NRXN3: variants seen among roughly 807,000 people sequenced by gnomAD.
NRXN3 encodes the protein neurexin 3.
Under a neutral mutation model 137.6 loss-of-function variants are expected in NRXN3, and 32 were observed. The ratio of observed to expected loss-of-function variants is 0.23; its 90% CI spans 0.18 to 0.31. NRXN3 has a LOEUF of 0.31. NRXN3 is among the 10% of genes least tolerant of loss of function. The pLI, the probability that NRXN3 is intolerant of heterozygous loss-of-function variation, is 1.00. For missense variants in NRXN3, 1,574 were observed against 2,062.5 expected (o/e 0.76, Z 4.59); for synonymous variants, 798 against 784.5 (o/e 1.02, Z -0.29).
chr14:79,455,023 A>G (rs1436632819), intron 15 of NRXN3, among the ~76,000 whole-genome samples: 2 of 152,194 alleles, frequency 1.3e-5, no homozygotes, highest in Admixed American at 6.5e-5. Flanking sequence ...AGGTATTGGT[A>G]TTAAGATTAT....
intron 16 of NRXN3, among the ~76,000 whole-genome samples, chr14:79,604,657 C>T (rs1409866774): frequency 1.3e-5 from 2 of 152,100 alleles, no homozygotes; most frequent in Non-Finnish European, 2.9e-5. Flanking sequence ...TGACCAAATG[C>T]CATTTTGTAT....
intron 16 of NRXN3, among the ~76,000 whole-genome samples, chr14:79,575,688 C>A (rs1312111752): frequency 6.6e-6 from 1 of 151,976 alleles, no homozygotes; most frequent in Non-Finnish European, 1.5e-5. Flanking sequence ...GCTTTTAATC[C>A]CAATTTCCAT....
chr14:79,698,659 A>C (rs770631404), intron 19 of NRXN3, among the ~76,000 whole-genome samples: 1 of 151,990 alleles, frequency 6.6e-6, no homozygotes, highest in African/African-American at 2.4e-5. Flanking sequence ...CATTTCATAA[A>C]TCTAGTTAGT....
chr14:78,359,699 A>G (rs2084838090), intron 4 of NRXN3, among the ~76,000 whole-genome samples: 1 of 152,162 alleles, frequency 6.6e-6, no homozygotes, highest in African/African-American at 2.4e-5. Context: ...TTACTTTTCA[A>G]GAGACTTTGA....
At chr14:78,608,555 C>G (rs910398023) in intron 4 of NRXN3, among the ~76,000 whole-genome samples, 4 of 152,166 alleles carry the variant, frequency 2.6e-5, no homozygotes, top group Non-Finnish European at 2.9e-5. Context: ...GTAGTACCAA[C>G]AAGGAAAACC....
intron 16 of NRXN3, among the ~76,000 whole-genome samples, chr14:79,510,174 A>G (rs2096919010): frequency 6.6e-6 from 1 of 152,332 alleles, no homozygotes. Context: ...AAGAGAATCA[A>G]AGTTAAGTGA....
chr14:78,279,134 A>G (rs1009562375), intron 3 of NRXN3, among the ~76,000 whole-genome samples: 6 of 152,260 alleles, frequency 3.9e-5, no homozygotes, highest in Non-Finnish European at 1.5e-5. Context: ...CTTTTTCACA[A>G]TGAAACCAGC....
chr14:79,500,236 C>CAAAAAAA (rs34976297), intron 16 of NRXN3, among the ~76,000 whole-genome samples: 5 of 88,418 alleles, frequency 5.7e-5, no homozygotes, highest in Non-Finnish European at 6.4e-5. Flanking sequence ...AAAAAGAAGG[C>CAAAAAAA]AAAAAAAAAA....
intron 15 of NRXN3, among the ~76,000 whole-genome samples, chr14:79,442,172 A>C (rs544287411): frequency 6.6e-6 from 1 of 152,326 alleles, no homozygotes; most frequent in South Asian, 2.1e-4. Flanking sequence ...AATGCTAATA[A>C]AAATATGTAA....
intron 6 of NRXN3, among the ~76,000 whole-genome samples, chr14:78,703,172 T>C (rs1296214943): frequency 6.6e-6 from 1 of 152,238 alleles, no homozygotes; most frequent in African/African-American, 2.4e-5. Flanking sequence ...GTAATTCATA[T>C]TTCTTGCTCA....
At chr14:78,831,301 A>G (rs998187289) in intron 10 of NRXN3, among the ~76,000 whole-genome samples, 2 of 152,008 alleles carry the variant, frequency 1.3e-5, no homozygotes, top group African/African-American at 2.4e-5. Context: ...TAACCCCAGC[A>G]CTTTGGGAGG....
At chr14:78,898,512 A>G (rs978984913) in intron 10 of NRXN3, among the ~76,000 whole-genome samples, 2 of 151,544 alleles carry the variant, frequency 1.3e-5, no homozygotes, top group African/African-American at 4.8e-5. Context: ...GCAGAGATGC[A>G]TAAGTTTCTT....
At chr14:79,093,220 G>A (rs1023505660) in intron 15 of NRXN3, among the ~76,000 whole-genome samples, 6 of 152,160 alleles carry the variant, frequency 3.9e-5, no homozygotes, top group Non-Finnish European at 7.4e-5. Context: ...TTGACAGGGT[G>A]AGGGAAAGCT....
At chr14:78,980,642 C>G (rs1386951161) in intron 14 of NRXN3, among the ~76,000 whole-genome samples, 4 of 152,126 alleles carry the variant, frequency 2.6e-5, no homozygotes, top group Non-Finnish European at 5.9e-5. Flanking sequence ...ATGAGAAGAA[C>G]AATCCCACCA....
chr14:78,795,093 CAAAAA>C lies in NRXN3; in HGVS notation c.2045-8524_2045-8520del, dbSNP rs1476931213. Among the ~76,000 whole-genome samples, 7 of 151,584 alleles carry C rather than the reference CAAAAA, an allele frequency of 4.6e-5. No homozygotes were observed. The South Asian group carries it at 1.5e-3, about 32-fold the overall frequency. ...TGTGTAACAGAGCAAGACTCTGTCT[CAAAAA>C]AAGAAAAAAGTTCTTAATTTGATAT... On this transcript the variant is annotated intron_variant, in intron 8 of 20. Coordinates refer to ENST00000335750, the MANE Select transcript of NRXN3 (RefSeq NM_001330195.2).
intron 15 of NRXN3, among the ~76,000 whole-genome samples, chr14:79,104,590 C>T (rs1017913231): frequency 2.0e-5 from 3 of 152,162 alleles, no homozygotes; most frequent in Non-Finnish European, 4.4e-5. Context: ...GAAAACCAGA[C>T]AGTCCTTTCT....
chr14:79,057,022 A>G (rs935395513), intron 15 of NRXN3, among the ~76,000 whole-genome samples: 53 of 151,674 alleles, frequency 3.5e-4, no homozygotes, highest in South Asian at 6.2e-4. Flanking sequence ...CTTGTATGTT[A>G]TAAGATGATT....
At chr14:78,511,562 C>T (rs1227361701) in intron 4 of NRXN3, among the ~76,000 whole-genome samples, 1 of 152,118 alleles carries the variant, frequency 6.6e-6, no homozygotes, top group Non-Finnish European at 1.5e-5. Flanking sequence ...GTTCTCAGCA[C>T]AAACATCTAT....
At chr14:78,621,867 T>A (rs1410326563) in intron 4 of NRXN3, among the ~76,000 whole-genome samples, 2 of 151,930 alleles carry the variant, frequency 1.3e-5, no homozygotes, top group Non-Finnish European at 2.9e-5. Flanking sequence ...GACAGTGAGC[T>A]TGACACTTAT....
Sources: allele counts gnomAD v4.1 joint callset (sites outside exome capture counted in the v4.1 genomes callset), GRCh38; gene constraint gnomAD v4.1.1; transcripts MANE v1.5; gene names NCBI Gene and HGNC (gene_info 2026-07-23, HGNC 2026-07-21).